Variants in MTSS1 observed in about 807,000 individuals in gnomAD.
The protein encoded by MTSS1 is protein MTSS 1.
MTSS1 carries 18 observed loss-of-function variants against 79.0 expected under a neutral mutation model. The observed-to-expected ratio is 0.23, with a 90% CI of 0.16 to 0.34. The LOEUF is 0.34. MTSS1 is among the 10% of genes least tolerant of loss of function. The pLI, the probability that MTSS1 is intolerant of heterozygous loss-of-function variation, is 1.00. For synonymous variants in MTSS1, 341 were observed against 368.6 expected (o/e 0.93, Z 0.86); for missense variants, 815 against 986.2 (o/e 0.83, Z 2.33).
chr8:124,581,660 TG>T (rs1185122257), intron 6 of MTSS1, among the ~76,000 whole-genome samples: 1 of 151,904 alleles, frequency 6.6e-6, no homozygotes, highest in Non-Finnish European at 1.5e-5. Context: ...TTCACCATGT[TG>T]GCCAGGATGG....
In MTSS1 at chr8:124,567,163, T is replaced by C. The variant is rs1349462241; in HGVS notation, c.634A>G (p.Met212Val). Reference protein sequence around the residue: ...LRPVIEEEISMLGEITHLQTI... With the variant: ...LRPVIEEEISVLGEITHLQTI... ...TGAAGGTGGGTTATTTCCCCTAGCA[T>C]TGAGATTTCTTCTTCCTGAAGGAAA... The change falls in exon 8 of 14, where the codon ATG (methionine) becomes GTG (valine). Residue 212 changes from methionine to valine, a missense_variant. Met to Val is a conservative substitution (Grantham distance 21). This residue lies in a region of MTSS1 where 225 missense variants were observed against 365.4 expected (regional missense o/e 0.62). Transcript: ENST00000518547. 1.2e-6 allele frequency: 2 copies of C among 1,611,974 alleles called. No individual in the cohort carries two copies. Among genetic ancestry groups the C allele is most frequent in the Non-Finnish European group, 1.7e-6 (2 of 1,178,104 alleles).
At chr8:124,663,955 C>A (rs746244381) in intron 3 of MTSS1, among the ~76,000 whole-genome samples, 2 of 152,174 alleles carry the variant, frequency 1.3e-5, no homozygotes, top group Non-Finnish European at 2.9e-5. Flanking sequence ...AGTCTAAAAA[C>A]CCGGGATGGA....
Position 124,582,872 on chromosome 8 carries a change from T to C in MTSS1, c.460+2215A>G, listed in dbSNP as rs138734949. 1.6e-4 allele frequency among the ~76,000 whole-genome samples: 25 copies of C among 152,304 alleles called. No homozygotes were observed. Among genetic ancestry groups the C allele is most frequent in the African/African-American group, 5.8e-4 (24 of 41,566 alleles). Reference sequence around the variant, plus strand: ...GTTTTCTTCAGTCCATTCTCAGCCATACATATGCCTCCTAGGAGAGCTCTC... The same window carrying C: ...GTTTTCTTCAGTCCATTCTCAGCCACACATATGCCTCCTAGGAGAGCTCTC... On this transcript the variant is annotated intron_variant, in intron 6 of 13. Transcript: ENST00000518547. The surrounding 1 kb of genome is among the most constrained non-coding windows in gnomAD (Gnocchi z 4.8).
At chr8:124,608,504 G>A (rs1366997769) in intron 3 of MTSS1, among the ~76,000 whole-genome samples, 1 of 152,160 alleles carries the variant, frequency 6.6e-6, no homozygotes, top group East Asian at 1.9e-4. Context: ...CTGGTTTATC[G>A]CCACTGTATT....
intron 1 of MTSS1, among the ~76,000 whole-genome samples, chr8:124,711,455 G>A (rs1455420922): frequency 6.6e-6 from 1 of 152,156 alleles, no homozygotes; most frequent in Non-Finnish European, 1.5e-5. Flanking sequence ...CAGCCCAAGT[G>A]TTCCCTGATT....
chr8:124,709,237 A>G (rs1830807312), intron 1 of MTSS1, among the ~76,000 whole-genome samples: 1 of 152,200 alleles, frequency 6.6e-6, no homozygotes, highest in Admixed American at 6.5e-5. Flanking sequence ...AGAGCCCTTT[A>G]GAAAGCAATT....
rs1374535648 is a variant in MTSS1, at chr8:124,582,593, C to G, written c.460+2494G>C. Among the ~76,000 whole-genome samples the G allele has an allele frequency of 6.6e-6, 1 of 152,028 alleles. No homozygotes were observed. The highest frequency in any genetic ancestry group is 2.4e-5 in the African/African-American group (1 of 41,388). The stretch of plus-strand genomic sequence containing the variant: ...TATTAAAAAGGAAGTGATTATCTGG[C>G]TGCATACATCAGATTCCGTCTATCA... On this transcript the variant is annotated intron_variant, in intron 6 of 13. Transcript: ENST00000518547. The surrounding 1 kb of genome is among the most constrained non-coding windows in gnomAD (Gnocchi z 4.8).
At chr8:124,557,592 AG>A (rs1586776738) in intron 11 of MTSS1, 88 bp downstream of exon 11, 18 of 1,265,094 alleles carry the variant, frequency 1.4e-5, no homozygotes, top group Non-Finnish European at 2.0e-5. Context: ...GAAGGGGATG[AG>A]GGGATAGTCG....
intron 3 of MTSS1, among the ~76,000 whole-genome samples, chr8:124,678,717 G>T (rs562493022): frequency 6.6e-6 from 1 of 152,288 alleles, no homozygotes; most frequent in African/African-American, 2.4e-5. Context: ...TTTGGGTGGG[G>T]ACACAGCCAA....
At chr8:124,643,016 T>A (rs979664456) in intron 3 of MTSS1, among the ~76,000 whole-genome samples, 1 of 152,176 alleles carries the variant, frequency 6.6e-6, no homozygotes. Context: ...ATACAATAAG[T>A]TCTCAATCCA....
intron 3 of MTSS1, among the ~76,000 whole-genome samples, chr8:124,639,654 G>A (rs749298888): frequency 1.7e-4 from 26 of 152,092 alleles, no homozygotes; most frequent in Non-Finnish European, 3.1e-4. Context: ...AGTAGAGATG[G>A]GGTTTTTCCA....
At chr8:124,694,035 C>G (rs1349114676) in intron 3 of MTSS1, among the ~76,000 whole-genome samples, 3 of 152,150 alleles carry the variant, frequency 2.0e-5, no homozygotes, top group African/African-American at 4.8e-5. Context: ...TATCCCAGAT[C>G]CCAAGCTAGT....
intron 3 of MTSS1, among the ~76,000 whole-genome samples, chr8:124,616,164 T>C (rs1449879705): frequency 6.6e-6 from 1 of 152,194 alleles, no homozygotes. Flanking sequence ...GCAAACGCTC[T>C]GCTGTGATGT....
At chr8:124,607,300 G>C (rs1409794222) in intron 3 of MTSS1, among the ~76,000 whole-genome samples, 1 of 152,194 alleles carries the variant, frequency 6.6e-6, no homozygotes, top group Admixed American at 6.5e-5. Context: ...ACAGGCCAGG[G>C]ACAGAGGATG....
chr8:124,689,535 C>T (rs868577749), intron 3 of MTSS1, among the ~76,000 whole-genome samples: 4 of 151,956 alleles, frequency 2.6e-5, no homozygotes, highest in Middle Eastern at 3.4e-3. Flanking sequence ...CACCTGAGGT[C>T]GGGAGTTTGA....
chr8:124,565,564 G>T, intron 9 of MTSS1, 98 bp downstream of exon 9: 1 of 992,876 alleles, frequency 1.0e-6, no homozygotes, highest in Non-Finnish European at 1.5e-6. Flanking sequence ...GTTTGAGAAT[G>T]AGCCATTCTA....
At chr8:124,662,684 T>C (rs974778405) in intron 3 of MTSS1, among the ~76,000 whole-genome samples, 1 of 151,928 alleles carries the variant, frequency 6.6e-6, no homozygotes, top group Non-Finnish European at 1.5e-5. Flanking sequence ...AAACGAAAGC[T>C]ATTATTTATT....
chr8:124,598,877 G>A (rs1362867400), intron 3 of MTSS1, among the ~76,000 whole-genome samples: 1 of 152,190 alleles, frequency 6.6e-6, no homozygotes, highest in Non-Finnish European at 1.5e-5. Context: ...GGCCGCAGCT[G>A]TCTGGTTAGG....
intron 2 of MTSS1, among the ~76,000 whole-genome samples, chr8:124,699,992 A>C (rs1829470647): frequency 6.6e-6 from 1 of 152,104 alleles, no homozygotes; most frequent in Non-Finnish European, 1.5e-5. Flanking sequence ...ACAAAAAATT[A>C]GCCAGGCGTG....
Sources: allele counts gnomAD v4.1 joint callset (sites outside exome capture counted in the v4.1 genomes callset), GRCh38; gene constraint gnomAD v4.1.1; regional missense constraint gnomAD v4.1.1; non-coding constraint Gnocchi (gnomAD v3.1); transcripts MANE v1.5; gene names NCBI Gene and HGNC (gene_info 2026-07-23, HGNC 2026-07-21).